Variants in PLEKHA1 observed in about 807,000 individuals in gnomAD.
The protein encoded by PLEKHA1 is pleckstrin homology domain containing A1, also known as pleckstrin homology domain-containing family A member 1.
PLEKHA1 carries 34 observed loss-of-function variants against 52.0 expected under a neutral mutation model. That is an observed-to-expected ratio of 0.65 (90% CI 0.50 to 0.87). The LOEUF (loss-of-function observed/expected upper bound fraction) is 0.87, where lower values mean the gene tolerates loss of function less well. Among genes scored for constraint, PLEKHA1 ranks in the 40% least tolerant of loss-of-function variants. The probability of loss-of-function intolerance (pLI) is 0.00; values close to 1 mark genes in which losing one functional copy is unlikely to be tolerated. For missense variants in PLEKHA1, 497 were observed against 504.2 expected (o/e 0.99, Z 0.14); for synonymous variants, 163 against 170.7 (o/e 0.95, Z 0.35).
intron 5 of PLEKHA1, among the ~76,000 whole-genome samples, chr10:122,409,784 CTT>C (rs745429398): frequency 1.4e-4 from 20 of 142,936 alleles, no homozygotes; most frequent in East Asian, 2.0e-4. Flanking sequence ...TCTTTTTATC[CTT>C]TTTTTTTTTT....
At chr10:122,415,288 C>T (rs1357961845) in intron 6 of PLEKHA1, among the ~76,000 whole-genome samples, 1 of 152,030 alleles carries the variant, frequency 6.6e-6, no homozygotes, top group Non-Finnish European at 1.5e-5. Context: ...TTAGTGGCTG[C>T]CAGGGGATTT....
intron 1 of PLEKHA1, among the ~76,000 whole-genome samples, chr10:122,382,644 A>G (rs57033439): frequency 7.2e-5 from 11 of 152,294 alleles, no homozygotes; most frequent in African/African-American, 2.4e-4. Flanking sequence ...GTGATTTTCT[A>G]TTACTGTCAT....
intron 3 of PLEKHA1, among the ~76,000 whole-genome samples, chr10:122,399,149 CT>C (rs1012097123): frequency 9.2e-5 from 14 of 152,080 alleles, no homozygotes; most frequent in African/African-American, 2.9e-4. Context: ...GGACGTACCA[CT>C]TTTTTTCCAA....
rs533879014 is a variant in PLEKHA1, at chr10:122,413,877, T to C, written c.468+832T>C. On this transcript the variant is annotated intron_variant, in intron 6 of 11. Transcript: ENST00000368990. ...TGTGCCTTTTGAACTCAAAAGACTTTGACACTTTATAAATCTTTTAAATCA... is the reference window on the plus strand; with the variant it reads ...TGTGCCTTTTGAACTCAAAAGACTTCGACACTTTATAAATCTTTTAAATCA... Among the ~76,000 whole-genome samples the C allele has an allele frequency of 2.6e-5, 4 of 152,246 alleles. No individual in the cohort carries two copies. In the East Asian group the frequency reaches 5.8e-4, roughly 22 times the overall value.
chr10:122,394,064 C>T (rs1590399154), intron 2 of PLEKHA1, among the ~76,000 whole-genome samples: 4 of 135,890 alleles, frequency 2.9e-5, no homozygotes, highest in Non-Finnish European at 3.2e-5. Flanking sequence ...TTTCAACTTT[C>T]TCTACTTTTT....
intron 11 of PLEKHA1, chr10:122,428,137 G>T: frequency 1.3e-6 from 1 of 784,550 alleles, no homozygotes; most frequent in Admixed American, 4.2e-5. Flanking sequence ...AGGAAAAGTT[G>T]GAGAAGGATG....
chr10:122,426,469 T>G (rs1347267201), intron 10 of PLEKHA1, among the ~76,000 whole-genome samples: 3 of 152,220 alleles, frequency 2.0e-5, no homozygotes, highest in African/African-American at 4.8e-5. Context: ...TAGTAAGGTT[T>G]AAAATTCACA....
intron 11 of PLEKHA1, among the ~76,000 whole-genome samples, chr10:122,429,247 TAAATA>T (rs1024152832): frequency 6.6e-5 from 10 of 152,186 alleles, no homozygotes; most frequent in Non-Finnish European, 7.3e-5. Context: ...AATATACTCT[TAAATA>T]AAATGATACA....
intron 1 of PLEKHA1, among the ~76,000 whole-genome samples, chr10:122,380,537 A>T (rs182226529): frequency 1.3e-5 from 2 of 152,212 alleles, no homozygotes; most frequent in Non-Finnish European, 2.9e-5. Flanking sequence ...CCGAGTGGGA[A>T]TCTTGTCTGG....
chr10:122,409,499 T>G (rs1268610075), intron 5 of PLEKHA1, among the ~76,000 whole-genome samples: 1 of 152,240 alleles, frequency 6.6e-6, no homozygotes, highest in East Asian at 1.9e-4. Context: ...CCCTTATTGA[T>G]TATTAAGGAA....
chr10:122,417,222 T>C (rs975623780), intron 7 of PLEKHA1, among the ~76,000 whole-genome samples: 1 of 152,132 alleles, frequency 6.6e-6, no homozygotes. Context: ...AGAATTCATA[T>C]GTTTTTACAG....
chr10:122,394,841 T>G (rs2096829275), intron 2 of PLEKHA1, among the ~76,000 whole-genome samples: 1 of 152,222 alleles, frequency 6.6e-6, no homozygotes. Flanking sequence ...TTGAAGCTCC[T>G]TGATTATTTT....
At chr10:122,375,214 G>T (rs1395311494) in intron 1 of PLEKHA1, among the ~76,000 whole-genome samples, 15 of 152,068 alleles carry the variant, frequency 9.9e-5, no homozygotes, top group Admixed American at 9.8e-4. Flanking sequence ...CCCGCTCGGG[G>T]CGCGGTGCGC....
chr10:122,388,173 T>C (rs1014661905), intron 1 of PLEKHA1, among the ~76,000 whole-genome samples: 4 of 152,206 alleles, frequency 2.6e-5, no homozygotes, highest in African/African-American at 9.7e-5. Flanking sequence ...TTTCCCACTC[T>C]CTTCAGCCTC....
At chr10:122,403,979 A>G (rs887322029) in intron 4 of PLEKHA1, among the ~76,000 whole-genome samples, 2 of 152,184 alleles carry the variant, frequency 1.3e-5, no homozygotes, top group African/African-American at 4.8e-5. Flanking sequence ...GGCGTGAGCC[A>G]CTGTGCCCTG....
At chr10:122,418,880 G>A (rs1217509620) in intron 8 of PLEKHA1, 1 of 152,190 alleles carries the variant, frequency 6.6e-6, no homozygotes, top group African/African-American at 2.4e-5. Context: ...GAACAGCATT[G>A]TCCATTAGAA....
intron 9 of PLEKHA1, 73 bp from the exon 10 acceptor site, chr10:122,424,823 T>C (rs2097314107): frequency 8.0e-7 from 1 of 1,243,834 alleles, no homozygotes; most frequent in African/African-American, 1.5e-5. Flanking sequence ...GCATACTGGG[T>C]ACTGGGTAAA....
At chr10:122,425,174 C>G in intron 10 of PLEKHA1, 1 of 368,840 alleles carries the variant, frequency 2.7e-6, no homozygotes, top group East Asian at 4.0e-5. Context: ...TGAACTAGAA[C>G]TAAGTATTTA....
chr10:122,428,129 G>A (rs2097367107), intron 11 of PLEKHA1: 1 of 742,866 alleles, frequency 1.3e-6, no homozygotes. Flanking sequence ...TTGGGAAGAG[G>A]AAAAGTTGGA....
Sources: gnomAD v4.1 joint callset for allele counts (sites outside exome capture counted in the v4.1 genomes callset) on GRCh38, gnomAD v4.1.1 for gene constraint, MANE v1.5 for transcripts, NCBI Gene and HGNC (gene_info 2026-07-23, HGNC 2026-07-21) for gene names.